Variants in NBEA observed in about 807,000 individuals in gnomAD.
The protein encoded by NBEA is neurobeachin, also known as lysosomal-trafficking regulator 2.
NBEA carries 44 observed loss-of-function variants against 343.4 expected under a neutral mutation model. The observed-to-expected ratio is 0.13, with a 90% CI of 0.10 to 0.16. NBEA has a LOEUF of 0.16. Ranked by LOEUF, NBEA falls within the 10% of genes least tolerant of loss-of-function variation. NBEA has a pLI of 1.00. For synonymous variants in NBEA, 1,175 were observed against 1,238.7 expected (o/e 0.95, Z 1.08); for missense variants, 2,555 against 3,631.3 (o/e 0.70, Z 7.62).
intron 38 of NBEA, among the ~76,000 whole-genome samples, chr13:35,427,897 A>G (rs1168197468): frequency 2.6e-5 from 4 of 152,142 alleles, no homozygotes; most frequent in Non-Finnish European, 5.9e-5. Context: ...TGTGCTAGCA[A>G]TGAGCGAGAC....
intron 41 of NBEA, among the ~76,000 whole-genome samples, chr13:35,522,610 G>A (rs182691622): frequency 4.9e-4 from 74 of 151,724 alleles, no homozygotes; most frequent in Non-Finnish European, 8.0e-4. Context: ...CCCCTGCGAC[G>A]GTACCAGTCT....
At chr13:34,962,613 T>A (rs1047134287) in intron 1 of NBEA, among the ~76,000 whole-genome samples, 4 of 152,088 alleles carry the variant, frequency 2.6e-5, no homozygotes, top group Non-Finnish European at 4.4e-5. Context: ...ACAATGAGAG[T>A]ACTCTTATTC....
intron 17 of NBEA, among the ~76,000 whole-genome samples, chr13:35,130,779 C>T (rs1437885394): frequency 6.6e-6 from 1 of 151,640 alleles, no homozygotes; most frequent in Non-Finnish European, 1.5e-5. Context: ...GAAATTTAAA[C>T]AAATTGTCAT....
chr13:35,094,271 A>G (rs547015580), intron 10 of NBEA, among the ~76,000 whole-genome samples: 1 of 152,176 alleles, frequency 6.6e-6, no homozygotes, highest in Non-Finnish European at 1.5e-5. Flanking sequence ...CCTTTTTATC[A>G]GGATGAAGAA....
At chr13:35,286,056 T>A (rs1594079887) in intron 34 of NBEA, among the ~76,000 whole-genome samples, 1 of 152,104 alleles carries the variant, frequency 6.6e-6, no homozygotes. Flanking sequence ...TCCCCATAAC[T>A]TCTTCTCCTA....
intron 38 of NBEA, among the ~76,000 whole-genome samples, chr13:35,395,177 T>G (rs2042685673): frequency 6.6e-6 from 1 of 152,088 alleles, no homozygotes; most frequent in Non-Finnish European, 1.5e-5. Context: ...TGACATATCT[T>G]GTCAAACATA....
chr13:35,254,548 C>G (rs1268898033), intron 34 of NBEA, among the ~76,000 whole-genome samples: 1 of 151,928 alleles, frequency 6.6e-6, no homozygotes, highest in Admixed American at 6.6e-5. Context: ...TCTTGAATTC[C>G]TGGGCTCAAG....
At chr13:35,506,075 T>C (rs1418688049) in intron 41 of NBEA, among the ~76,000 whole-genome samples, 1 of 152,144 alleles carries the variant, frequency 6.6e-6, no homozygotes, top group Non-Finnish European at 1.5e-5. Context: ...ATTTATTTTA[T>C]TTTTTGAGAC....
chr13:35,611,942 G>C (rs1285671498), intron 48 of NBEA, among the ~76,000 whole-genome samples: 1 of 152,070 alleles, frequency 6.6e-6, no homozygotes, highest in African/African-American at 2.4e-5. Context: ...TAGAATTGCT[G>C]GGTCATATGG....
At position 35,368,620 on chromosome 13, in the gene NBEA, G is replaced by A. The variant is rs894976090; in HGVS notation, c.6179+16297G>A. ...ACTATTATTGATACTACTATTGTTC[G>A]TTTGTTACTTCTTGAAACAATCTAT... On this transcript the variant is annotated intron_variant, in intron 38 of 58. Transcript: ENST00000379939. Among the ~76,000 whole-genome samples, 40 of 150,946 alleles carry A rather than the reference G, an allele frequency of 2.6e-4. 1 individual carries two copies. The highest frequency in any genetic ancestry group is 7.5e-4 in the African/African-American group (31 of 41,272).
chr13:35,353,105 A>C (rs1295695954), intron 38 of NBEA, among the ~76,000 whole-genome samples: 1 of 152,176 alleles, frequency 6.6e-6, no homozygotes, highest in Admixed American at 6.6e-5. Context: ...GGCTGGTGAA[A>C]TGTAAACGGG....
At chr13:35,628,034 T>TG (rs752359941) in intron 48 of NBEA, 47 bp from the exon 49 acceptor site, 1 of 1,428,766 alleles carries the variant, frequency 7.0e-7, no homozygotes, top group South Asian at 1.3e-5. Context: ...GATATGAAGG[T>TG]GTACTAAGTT....
intron 31 of NBEA, among the ~76,000 whole-genome samples, chr13:35,204,154 T>C (rs1458421492): frequency 1.3e-5 from 2 of 152,068 alleles, no homozygotes; most frequent in East Asian, 3.9e-4. Context: ...GTCAGATCAG[T>C]GGTGGCATTG....
At chr13:35,514,938 TG>T (rs2077426465) in intron 41 of NBEA, among the ~76,000 whole-genome samples, 1 of 152,214 alleles carries the variant, frequency 6.6e-6, no homozygotes, top group African/African-American at 2.4e-5. Context: ...GTTGTGCTTT[TG>T]GCAATGACAG....
intron 28 of NBEA, chr13:35,179,641 G>A (rs1295788707): frequency 1.1e-5 from 3 of 283,036 alleles, no homozygotes; most frequent in Non-Finnish European, 1.6e-5. Flanking sequence ...GTTATTTACA[G>A]CGCTGCCACT....
At chr13:35,344,687 A>T (rs1239799908) in intron 36 of NBEA, among the ~76,000 whole-genome samples, 2 of 151,990 alleles carry the variant, frequency 1.3e-5, no homozygotes, top group Non-Finnish European at 2.9e-5. Context: ...GAAAATATAC[A>T]GCTTCCTATA....
chr13:35,048,284 C>G (rs376244040), intron 4 of NBEA, among the ~76,000 whole-genome samples: 1 of 151,794 alleles, frequency 6.6e-6, no homozygotes, highest in African/African-American at 2.4e-5. Flanking sequence ...AACTAGATGG[C>G]GACTTCTTGG....
intron 31 of NBEA, among the ~76,000 whole-genome samples, chr13:35,200,289 T>C (rs547887074): frequency 1.3e-5 from 2 of 152,072 alleles, no homozygotes; most frequent in East Asian, 1.9e-4. Context: ...AATGCTTTTA[T>C]CTAAAGCCAC....
At chr13:35,124,573 T>G in intron 17 of NBEA, among the ~76,000 whole-genome samples, 1 of 149,906 alleles carries the variant, frequency 6.7e-6, no homozygotes, top group Middle Eastern at 3.6e-3. Flanking sequence ...TATATATGGA[T>G]ATATATATAC....
Sources: allele counts gnomAD v4.1 joint callset (sites outside exome capture counted in the v4.1 genomes callset), GRCh38; gene constraint gnomAD v4.1.1; transcripts MANE v1.5; gene names NCBI Gene and HGNC (gene_info 2026-07-23, HGNC 2026-07-21).